Variants in TANC2 observed in about 807,000 individuals in gnomAD.
TANC2 encodes tetratricopeptide repeat, ankyrin repeat and coiled-coil containing 2.
A neutral mutation model predicts 210.5 loss-of-function variants in TANC2; 26 were observed. The ratio of observed to expected loss-of-function variants is 0.12; its 90% CI spans 0.09 to 0.17. TANC2 has a LOEUF of 0.17. Ranked by LOEUF, TANC2 falls within the 10% of genes least tolerant of loss-of-function variation. TANC2 has a pLI of 1.00. For synonymous variants in TANC2, 931 were observed against 967.1 expected (o/e 0.96, Z 0.69); for missense variants, 2,129 against 2,608.9 (o/e 0.82, Z 4.01).
chr17:63,229,555 GTTTT>G (rs34411520), intron 7 of TANC2, among the ~76,000 whole-genome samples: 45 of 140,314 alleles, frequency 3.2e-4, no homozygotes, highest in Non-Finnish European at 3.9e-4. Context: ...CTGGTCCTGG[GTTTT>G]TTTTTTTTTT....
intron 4 of TANC2, among the ~76,000 whole-genome samples, chr17:63,105,801 T>C (rs1213269238): frequency 6.6e-6 from 1 of 151,652 alleles, no homozygotes; most frequent in Non-Finnish European, 1.5e-5. Context: ...AGCATACTTA[T>C]AATACTGTGG....
chr17:62,992,751 A>G (rs8066185), intron 1 of TANC2, among the ~76,000 whole-genome samples: 3,229 of 152,336 alleles, frequency 0.021, 107 homozygotes, highest in African/African-American at 0.072. Flanking sequence ...AACATATGAC[A>G]TATGTAACTA....
chr17:63,352,683 G>C (rs1045485656), intron 13 of TANC2, among the ~76,000 whole-genome samples: 1 of 152,078 alleles, frequency 6.6e-6, no homozygotes, highest in Non-Finnish European at 1.5e-5. Context: ...TTTTTCAGCT[G>C]TGCCAACAGA....
intron 17 of TANC2, chr17:63,391,533 G>T (rs2047973306): frequency 6.6e-6 from 1 of 151,962 alleles, no homozygotes; most frequent in Non-Finnish European, 1.5e-5. Context: ...TTTAAAAGAG[G>T]TGTTAAAGTC....
chr17:63,100,104 T>C (rs1237093145), intron 4 of TANC2, among the ~76,000 whole-genome samples: 3 of 152,162 alleles, frequency 2.0e-5, no homozygotes, highest in Admixed American at 2.0e-4. Context: ...TTGGCTAGTA[T>C]TGATGGGTTC....
At chr17:63,343,170 G>T (rs553432233) in intron 12 of TANC2, among the ~76,000 whole-genome samples, 3 of 149,608 alleles carry the variant, frequency 2.0e-5, no homozygotes, top group Non-Finnish European at 2.9e-5. Flanking sequence ...ATATTAAAAG[G>T]TAGAAACTGT....
intron 7 of TANC2, among the ~76,000 whole-genome samples, chr17:63,213,510 CT>C (rs371472725): frequency 6.6e-6 from 1 of 152,076 alleles, no homozygotes; most frequent in African/African-American, 2.4e-5. Context: ...ATGAAAAAGA[CT>C]TAAGTATATT....
chr17:63,267,617 A>G (rs892786879), intron 8 of TANC2, 131 bp from the exon 9 acceptor site: 5 of 748,376 alleles, frequency 6.7e-6, no homozygotes, highest in Non-Finnish European at 1.0e-5. Flanking sequence ...TGTATTTTAT[A>G]TATATTACAT....
chr17:63,412,647 C>A lies in TANC2; in HGVS notation c.3899-33C>A. On this transcript the variant is annotated intron_variant, in intron 23 of 27. Coordinates refer to ENST00000689528, the Ensembl canonical transcript of TANC2. The surrounding 1 kb of genome is among the most constrained non-coding windows in gnomAD (Gnocchi z 4.2). ...ACCTTCATCCATTTTTTTTTCCTCTCCTACAACTTTTTGTTTTCTCCTTTC... is the reference window on the plus strand; with the variant it reads ...ACCTTCATCCATTTTTTTTTCCTCTACTACAACTTTTTGTTTTCTCCTTTC... 1 of 1,509,590 alleles carries A rather than the reference C, an allele frequency of 6.6e-7. No homozygotes were observed. The highest frequency in any genetic ancestry group is 1.2e-5 in the South Asian group (1 of 81,774). 93.5% of individuals were successfully genotyped at this position (1,509,590 alleles called of 1,614,324 possible). A position where few individuals can be genotyped will look rare whatever the true frequency, so the allele number is the denominator to read the frequency against.
intron 4 of TANC2, among the ~76,000 whole-genome samples, chr17:63,114,606 T>G (rs747078384): frequency 4.6e-5 from 7 of 152,228 alleles, no homozygotes; most frequent in Non-Finnish European, 8.8e-5. Flanking sequence ...GGTTACTTTC[T>G]TAACTCCTGT....
intron 4 of TANC2, among the ~76,000 whole-genome samples, chr17:63,123,977 A>AG (rs2038603641): frequency 6.6e-6 from 1 of 152,174 alleles, no homozygotes; most frequent in Non-Finnish European, 1.5e-5. Context: ...CTGGGATCAC[A>AG]GGCATGAGCC....
intron 4 of TANC2, among the ~76,000 whole-genome samples, chr17:63,144,982 C>T (rs1598469644): frequency 6.6e-6 from 1 of 151,362 alleles, no homozygotes; most frequent in South Asian, 2.1e-4. Context: ...TTTTATCTAC[C>T]CTGTGCCAAA....
At chr17:63,060,826 A>G (rs1568353553) in intron 2 of TANC2, among the ~76,000 whole-genome samples, 1 of 152,324 alleles carries the variant, frequency 6.6e-6, no homozygotes, top group East Asian at 1.9e-4. Context: ...ACTTAAAGGT[A>G]AGTTTTACTG....
At chr17:63,064,285 G>A (rs1349767553) in intron 2 of TANC2, among the ~76,000 whole-genome samples, 5 of 151,958 alleles carry the variant, frequency 3.3e-5, no homozygotes, top group Non-Finnish European at 7.4e-5. Flanking sequence ...GTGAAACCCT[G>A]TTCTTTACAA....
At chr17:63,212,133 G>A (rs552806553) in intron 7 of TANC2, among the ~76,000 whole-genome samples, 6 of 151,936 alleles carry the variant, frequency 3.9e-5, no homozygotes, top group Non-Finnish European at 5.9e-5. Context: ...TGCAGTGTTT[G>A]GTTTTCTGTC....
At chr17:63,182,965 C>A (rs147503574) in intron 5 of TANC2, 2 of 152,250 alleles carry the variant, frequency 1.3e-5, no homozygotes, top group East Asian at 3.8e-4. Flanking sequence ...CAGATGAATT[C>A]GACTTTCTTT....
exon 28 of TANC2, chr17:63,426,630 A>G (rs1044836654): frequency 2.0e-5 from 3 of 152,264 alleles, no homozygotes; most frequent in Non-Finnish European, 2.9e-5. Flanking sequence ...TTGGACACCA[A>G]AAATCAAGTG....
intron 4 of TANC2, among the ~76,000 whole-genome samples, chr17:63,124,750 A>G (rs770215171): frequency 2.0e-5 from 3 of 152,194 alleles, no homozygotes; most frequent in African/African-American, 2.4e-5. Flanking sequence ...GCGAGCAAGC[A>G]TTACTGCTTG....
In TANC2 at chr17:63,398,926, G is replaced by T; in HGVS notation, c.3331+12G>T. ...CTGGGGAGAGACAGGTACCTCTCATGGACGTTGCCCTCAAGAATGTGTTGT... is the reference window on the plus strand; with the variant it reads ...CTGGGGAGAGACAGGTACCTCTCATTGACGTTGCCCTCAAGAATGTGTTGT... On this transcript the variant is annotated intron_variant, in intron 19 of 27. Coordinates refer to ENST00000689528, the Ensembl canonical transcript of TANC2. The T allele has an allele frequency of 6.4e-7, 1 of 1,564,394 alleles. No homozygotes were observed. Among genetic ancestry groups the T allele is most frequent in the South Asian group, 1.2e-5 (1 of 83,930 alleles).
Sources: allele counts gnomAD v4.1 joint callset (sites outside exome capture counted in the v4.1 genomes callset), GRCh38; gene constraint gnomAD v4.1.1; non-coding constraint Gnocchi (gnomAD v3.1); transcripts MANE v1.5; gene names NCBI Gene and HGNC (gene_info 2026-07-23, HGNC 2026-07-21).